Variants in DOK5 observed in about 807,000 individuals in gnomAD.
DOK5 encodes docking protein 5.
Under a neutral mutation model 43.3 loss-of-function variants are expected in DOK5, and 27 were observed. The observed-to-expected ratio is 0.62, with a 90% CI of 0.46 to 0.86. The LOEUF is 0.86. Among genes scored for constraint, DOK5 ranks in the 40% least tolerant of loss-of-function variants. The pLI is 0.00. For missense variants in DOK5, 373 were observed against 392.9 expected (o/e 0.95, Z 0.43); for synonymous variants, 146 against 140.1 (o/e 1.04, Z -0.30).
intron 5 of DOK5, among the ~76,000 whole-genome samples, chr20:54,597,613 T>C (rs1449264490): frequency 6.6e-6 from 1 of 152,220 alleles, no homozygotes; most frequent in African/African-American, 2.4e-5. Flanking sequence ...GACACAAAGC[T>C]GATAAATTCA....
rs552345996 is a variant in DOK5 at position 54,639,674 on chromosome 20, C to A, written c.736-3784C>A. On this transcript the variant is annotated intron_variant, in intron 6 of 7. Transcript: ENST00000262593. ...TTTTTTAAGTAGGAAGACTGTAATC[C>A]TTCTCTCCAAATACACTAAATCCTC... is the stretch of plus-strand genomic sequence containing the variant. 3.9e-5 allele frequency among the ~76,000 whole-genome samples: 6 copies of A among 152,058 alleles called. No homozygotes were observed. In the East Asian group the frequency reaches 1.2e-3, roughly 29 times the overall value.
At chr20:54,534,381 G>T (rs1250496374) in intron 1 of DOK5, among the ~76,000 whole-genome samples, 1 of 152,174 alleles carries the variant, frequency 6.6e-6, no homozygotes, top group African/African-American at 2.4e-5. Flanking sequence ...TAGAGATGGG[G>T]TTTTGCCCTG....
chr20:54,483,870 A>G (rs528437829), intron 1 of DOK5, among the ~76,000 whole-genome samples: 2 of 152,304 alleles, frequency 1.3e-5, no homozygotes, highest in Admixed American at 6.5e-5. Context: ...TTATTTCACT[A>G]GTGTTCTCAC....
intron 7 of DOK5, among the ~76,000 whole-genome samples, chr20:54,645,976 A>G (rs548905779): frequency 7.0e-6 from 1 of 142,320 alleles, no homozygotes; most frequent in African/African-American, 2.5e-5. Flanking sequence ...TGCCTCTGTG[A>G]GCAGCTGAGC....
intron 5 of DOK5, among the ~76,000 whole-genome samples, chr20:54,607,267 C>T (rs765179352): frequency 2.0e-5 from 3 of 152,200 alleles, no homozygotes; most frequent in Non-Finnish European, 2.9e-5. Flanking sequence ...TAGACAGGAC[C>T]TGTGCTCTCT....
intron 1 of DOK5, among the ~76,000 whole-genome samples, chr20:54,543,079 A>G (rs1035502129): frequency 6.6e-6 from 1 of 152,198 alleles, no homozygotes; most frequent in Non-Finnish European, 1.5e-5. Context: ...GAGGGTAAAA[A>G]TACACAGAAT....
At chr20:54,476,130 G>T (rs1036070075) in intron 1 of DOK5, 118 bp downstream of exon 1, 15 of 1,547,472 alleles carry the variant, frequency 9.7e-6, no homozygotes, top group African/African-American at 2.7e-5. Flanking sequence ...TTGCGCGGTG[G>T]CTTTCTCAGC....
chr20:54,584,536 CT>C (rs1985739160), intron 2 of DOK5, among the ~76,000 whole-genome samples: 1 of 151,194 alleles, frequency 6.6e-6, no homozygotes, highest in African/African-American at 2.4e-5. Flanking sequence ...AGTTTTTATA[CT>C]TTTATCTTTT....
chr20:54,564,042 G>T (rs975540435), intron 2 of DOK5, among the ~76,000 whole-genome samples: 5 of 152,166 alleles, frequency 3.3e-5, no homozygotes, highest in South Asian at 4.2e-4. Context: ...TATTGCGTTG[G>T]ACCTAGACTC....
chr20:54,604,900 C>A (rs938304399), intron 5 of DOK5, among the ~76,000 whole-genome samples: 1 of 151,782 alleles, frequency 6.6e-6, no homozygotes, highest in Non-Finnish European at 1.5e-5. Flanking sequence ...ACTTAGGAGG[C>A]TGAGGCAGAG....
At chr20:54,640,782 C>G (rs1208349367) in intron 6 of DOK5, among the ~76,000 whole-genome samples, 1 of 152,158 alleles carries the variant, frequency 6.6e-6, no homozygotes, top group East Asian at 1.9e-4. Context: ...ATGAAATTTT[C>G]TGTTAAATTA....
intron 1 of DOK5, among the ~76,000 whole-genome samples, chr20:54,497,558 A>G (rs967585318): frequency 6.6e-6 from 1 of 152,216 alleles, no homozygotes; most frequent in Non-Finnish European, 1.5e-5. Flanking sequence ...GTTTTGCTCT[A>G]TTCTATGTTA....
intron 2 of DOK5, among the ~76,000 whole-genome samples, chr20:54,571,093 T>C (rs554573738): frequency 1.3e-5 from 2 of 152,372 alleles, no homozygotes; most frequent in South Asian, 4.1e-4. Context: ...TTATCTGTAA[T>C]TTAGGAGAGT....
At chr20:54,484,073 A>G (rs549706534) in intron 1 of DOK5, among the ~76,000 whole-genome samples, 1 of 152,234 alleles carries the variant, frequency 6.6e-6, no homozygotes, top group African/African-American at 2.4e-5. Flanking sequence ...TCCACCTGCT[A>G]TGCCTTCTTA....
chr20:54,643,399 G>GTCA, intron 6 of DOK5, 59 bp from the exon 7 acceptor site: 1 of 1,596,980 alleles, frequency 6.3e-7, no homozygotes, highest in Non-Finnish European at 8.5e-7. Flanking sequence ...TGTTTCCTCA[G>GTCA]TCAGGCCACT....
chr20:54,643,585 G>T lies in DOK5; in HGVS notation c.856+7G>T, dbSNP rs139111389. On this transcript the variant is annotated splice_region_variant and intron_variant, in intron 7 of 7. Coordinates refer to ENST00000262593, the MANE Select transcript of DOK5 (RefSeq NM_018431.5). The stretch of plus-strand genomic sequence containing the variant: ...CAGCTCTACCGCTTGCAAGGTAAGC[G>T]TGGGGCTACCTGTGTCCAGGGTGTG... The T allele has an allele frequency of 2.5e-6, 4 of 1,611,218 alleles. No homozygotes were observed. The highest frequency in any genetic ancestry group is 3.4e-6 in the Non-Finnish European group (4 of 1,179,646).
intron 6 of DOK5, among the ~76,000 whole-genome samples, chr20:54,614,489 T>G (rs1600737829): frequency 6.6e-6 from 1 of 152,206 alleles, no homozygotes; most frequent in Non-Finnish European, 1.5e-5. Flanking sequence ...TGTCTAAGAT[T>G]GTCTTGTTCG....
intron 5 of DOK5, among the ~76,000 whole-genome samples, chr20:54,600,911 T>C (rs1986281454): frequency 6.6e-6 from 1 of 152,226 alleles, no homozygotes; most frequent in Admixed American, 6.5e-5. Context: ...AGTGACATAA[T>C]CTTTTTTTTC....
At chr20:54,519,654 T>C (rs1036140338) in intron 1 of DOK5, among the ~76,000 whole-genome samples, 1 of 152,154 alleles carries the variant, frequency 6.6e-6, no homozygotes, top group African/African-American at 2.4e-5. Flanking sequence ...CAAATATCAC[T>C]AAAGTCTATA....
Sources: allele counts gnomAD v4.1 joint callset (sites outside exome capture counted in the v4.1 genomes callset), GRCh38; gene constraint gnomAD v4.1.1; transcripts MANE v1.5; gene names NCBI Gene and HGNC (gene_info 2026-07-23, HGNC 2026-07-21).